The following TGFA variants were observed in gnomAD, a reference collection of about 807,000 sequenced individuals.
The protein encoded by TGFA is transforming growth factor alpha, also known as protransforming growth factor alpha.
Under a neutral mutation model 21.7 loss-of-function variants are expected in TGFA, and 12 were observed. The observed-to-expected ratio is 0.55, with a 90% CI of 0.35 to 0.90. TGFA has a LOEUF of 0.90. TGFA is among the 40% of genes least tolerant of loss of function. The pLI, the probability that TGFA is intolerant of heterozygous loss-of-function variation, is 0.01. For missense variants in TGFA, 178 were observed against 210.8 expected (o/e 0.84, Z 0.96); for synonymous variants, 79 against 88.1 (o/e 0.90, Z 0.58).
chr2:70,480,452 C>T (rs1671078864), intron 2 of TGFA, among the ~76,000 whole-genome samples: 1 of 152,156 alleles, frequency 6.6e-6, no homozygotes, highest in East Asian at 1.9e-4. Flanking sequence ...TACTGATATA[C>T]ATTTAGAAAT....
chr2:70,458,710 TA>T (rs1670317607), intron 3 of TGFA, among the ~76,000 whole-genome samples: 1 of 152,220 alleles, frequency 6.6e-6, no homozygotes, highest in African/African-American at 2.4e-5. Context: ...CAGACTCGTT[TA>T]CGTTCATTTT....
chr2:70,470,616 C>G (rs1670713292), intron 2 of TGFA, among the ~76,000 whole-genome samples: 1 of 152,188 alleles, frequency 6.6e-6, no homozygotes, highest in African/African-American at 2.4e-5. Flanking sequence ...ACACAGCTCA[C>G]TAAGAAGCCA....
chr2:70,478,022 C>T (rs1429267369), intron 2 of TGFA, among the ~76,000 whole-genome samples: 1 of 152,062 alleles, frequency 6.6e-6, no homozygotes, highest in Non-Finnish European at 1.5e-5. Context: ...ATCAACATGC[C>T]CTGTGCTTAC....
intron 2 of TGFA, among the ~76,000 whole-genome samples, chr2:70,466,432 C>T (rs980253073): frequency 2.0e-5 from 3 of 152,010 alleles, no homozygotes; most frequent in South Asian, 2.1e-4. Flanking sequence ...GCGAGAACCC[C>T]GGGGGGCGGA....
chr2:70,504,034 T>C (rs1671822626), intron 2 of TGFA, among the ~76,000 whole-genome samples: 1 of 152,176 alleles, frequency 6.6e-6, no homozygotes, highest in Non-Finnish European at 1.5e-5. Flanking sequence ...ACCAGGTTTG[T>C]GCAAAAACAT....
rs139730585 is a variant in TGFA at position 70,497,528 on chromosome 2, A to T, written c.94+17331T>A. ...AGGCACTGAAATAAGAAAAGCCTGC[A>T]CCAGTGGTCACTGCCTACAAGGAGC... On this transcript the variant is annotated intron_variant, in intron 2 of 5. Transcript: ENST00000295400. Among the ~76,000 whole-genome samples the T allele has an allele frequency of 5.7e-4, 87 of 152,340 alleles. 1 individual carries two copies. The East Asian group carries it at 0.015, about 27-fold the overall frequency.
At chr2:70,538,056 A>C (rs1368651990) in intron 1 of TGFA, among the ~76,000 whole-genome samples, 2 of 152,190 alleles carry the variant, frequency 1.3e-5, no homozygotes, top group African/African-American at 4.8e-5. Flanking sequence ...CAAAGTCCTT[A>C]TGCTATATCT....
chr2:70,547,864 G>T (rs1277437146), intron 1 of TGFA, among the ~76,000 whole-genome samples: 1 of 147,472 alleles, frequency 6.8e-6, no homozygotes, highest in African/African-American at 2.5e-5. Context: ...TCTATATATA[G>T]AGAGATATAT....
At chr2:70,462,348 G>T (rs1238794522) in intron 3 of TGFA, among the ~76,000 whole-genome samples, 1 of 152,238 alleles carries the variant, frequency 6.6e-6, no homozygotes, top group Non-Finnish European at 1.5e-5. Flanking sequence ...CGTCAGAGGG[G>T]TCTGCAGAGG....
chr2:70,454,012 A>G (rs1259965354), intron 4 of TGFA, among the ~76,000 whole-genome samples: 3 of 151,686 alleles, frequency 2.0e-5, no homozygotes, highest in South Asian at 4.2e-4. Context: ...CATGAAAAAA[A>G]AAAAGCCCCA....
chr2:70,521,826 G>A (rs1553502360), intron 1 of TGFA, among the ~76,000 whole-genome samples: 1 of 151,958 alleles, frequency 6.6e-6, no homozygotes, highest in East Asian at 1.9e-4. Context: ...TATTGGCCAG[G>A]CTGGTCTTGA....
intron 1 of TGFA, among the ~76,000 whole-genome samples, chr2:70,520,012 C>T (rs1277175236): frequency 1.3e-5 from 2 of 152,224 alleles, no homozygotes; most frequent in Non-Finnish European, 2.9e-5. Flanking sequence ...ACAAGGATAA[C>T]AGCCCTTCAT....
chr2:70,552,298 GAC>G (rs1469013848), intron 1 of TGFA, among the ~76,000 whole-genome samples: 21 of 152,206 alleles, frequency 1.4e-4, no homozygotes, highest in African/African-American at 5.1e-4. Context: ...GACTGTGTCT[GAC>G]ACAGAGTAAA....
intron 2 of TGFA, among the ~76,000 whole-genome samples, chr2:70,487,431 C>T (rs1187512660): frequency 2.0e-5 from 3 of 152,184 alleles, no homozygotes; most frequent in African/African-American, 7.2e-5. Context: ...TGGGACCCAA[C>T]TCTAAACATA....
intron 2 of TGFA, among the ~76,000 whole-genome samples, chr2:70,500,807 A>C (rs1553499014): frequency 1.3e-5 from 2 of 152,214 alleles, no homozygotes; most frequent in Non-Finnish European, 2.9e-5. Flanking sequence ...AGGCTTCCAT[A>C]TAAGCCCCCT....
intron 1 of TGFA, among the ~76,000 whole-genome samples, chr2:70,524,779 C>T (rs1379075188): frequency 6.6e-6 from 1 of 152,222 alleles, no homozygotes; most frequent in Non-Finnish European, 1.5e-5. Flanking sequence ...ATCCACAGGG[C>T]CCTGGGCCCT....
At chr2:70,466,882 G>A (rs529380962) in intron 2 of TGFA, among the ~76,000 whole-genome samples, 83 of 152,290 alleles carry the variant, frequency 5.5e-4, no homozygotes, top group African/African-American at 1.9e-3. Context: ...GTCCTTTGCA[G>A]GGACATGGAT....
intron 2 of TGFA, among the ~76,000 whole-genome samples, chr2:70,495,248 CT>C (rs1671543766): frequency 6.6e-6 from 1 of 152,218 alleles, no homozygotes; most frequent in Non-Finnish European, 1.5e-5. Context: ...AACTGGGTTT[CT>C]TTTGGAGCTT....
Position 70,450,645 on chromosome 2 carries a change from T to C in TGFA, c.*214A>G, listed in dbSNP as rs932916188. 3.5e-6 allele frequency: 2 copies of C among 565,892 alleles called. No individual in the cohort carries two copies. Among genetic ancestry groups the C allele is most frequent in the Admixed American group, 3.0e-5 (1 of 33,278 alleles). 35.1% of individuals were successfully genotyped at this position (565,892 alleles called of 1,614,324 possible). A position where few individuals can be genotyped will look rare whatever the true frequency, so the allele number is the denominator to read the frequency against. On this transcript the variant is annotated 3_prime_UTR_variant, in exon 6 of 6. Transcript: ENST00000295400. Reference sequence around the variant, plus strand: ...TTTTTAACAAGTCTTGAAATCGTGGTCCGCTGATTTCTTCTCTAGGTCACA... The same window carrying C: ...TTTTTAACAAGTCTTGAAATCGTGGCCCGCTGATTTCTTCTCTAGGTCACA...
Sources: allele counts gnomAD v4.1 joint callset (sites outside exome capture counted in the v4.1 genomes callset), GRCh38; gene constraint gnomAD v4.1.1; transcripts MANE v1.5; gene names NCBI Gene and HGNC (gene_info 2026-07-23, HGNC 2026-07-21).